The following ITPR2 variants were observed in gnomAD, a reference collection of about 807,000 sequenced individuals.
The protein encoded by ITPR2 is inositol 1,4,5-trisphosphate-gated calcium channel ITPR2.
A neutral mutation model predicts 317.1 loss-of-function variants in ITPR2; 207 were observed. The observed-to-expected ratio is 0.65, with a 90% confidence interval of 0.58 to 0.73. The LOEUF (loss-of-function observed/expected upper bound fraction) is 0.73. Ranked by LOEUF, ITPR2 falls within the 30% of genes least tolerant of loss-of-function variation. The pLI, the probability that ITPR2 is intolerant of heterozygous loss-of-function variation, is 0.00. For missense variants in ITPR2, 2,613 were observed against 3,284.0 expected (o/e 0.80, Z 4.99); for synonymous variants, 1,156 against 1,149.1 (o/e 1.01, Z -0.12).
At chr12:26,555,421 C>T (rs978176613) in intron 36 of ITPR2, among the ~76,000 whole-genome samples, 1 of 152,194 alleles carries the variant, frequency 6.6e-6, no homozygotes, top group African/African-American at 2.4e-5. Context: ...CAAGCACCCT[C>T]TTTCTGACTG....
chr12:26,497,155 C>CTCTTTTTTTT (rs756035869), intron 37 of ITPR2, among the ~76,000 whole-genome samples: 5 of 134,406 alleles, frequency 3.7e-5, no homozygotes, highest in African/African-American at 1.4e-4. Context: ...ATTTCTCTCT[C>CTCTTTTTTTT]TTTTTTTTTT....
chr12:26,561,591 G>A (rs952154924), intron 35 of ITPR2, among the ~76,000 whole-genome samples, 171 bp downstream of exon 35: 3 of 152,066 alleles, frequency 2.0e-5, no homozygotes, highest in African/African-American at 4.8e-5. Flanking sequence ...AATAACTCAC[G>A]ACATATGGAA....
At chr12:26,467,517 C>T (rs1027033594) in intron 45 of ITPR2, among the ~76,000 whole-genome samples, 1 of 152,122 alleles carries the variant, frequency 6.6e-6, no homozygotes, top group African/African-American at 2.4e-5. Context: ...AAAAGCCTTG[C>T]CTGATATCTC....
chr12:26,550,820 T>C (rs1944507328), intron 36 of ITPR2, among the ~76,000 whole-genome samples: 1 of 152,176 alleles, frequency 6.6e-6, no homozygotes, highest in Admixed American at 6.5e-5. Context: ...CCAGTTTCCA[T>C]TCATAATAAT....
At chr12:26,513,748 TCACACACACACACA>T (rs3056894) in intron 37 of ITPR2, among the ~76,000 whole-genome samples, 2 of 149,424 alleles carry the variant, frequency 1.3e-5, no homozygotes, top group South Asian at 4.3e-4. Context: ...TTGCCAATTA[TCACACACACACACA>T]CACACACACA....
intron 36 of ITPR2, among the ~76,000 whole-genome samples, chr12:26,550,693 ATAT>A (rs1944502439): frequency 1.6e-5 from 1 of 63,898 alleles, no homozygotes. Flanking sequence ...ACAAATATTT[ATAT>A]TATATTACAT....
At chr12:26,768,460 A>T (rs1949770981) in intron 2 of ITPR2, among the ~76,000 whole-genome samples, 1 of 139,190 alleles carries the variant, frequency 7.2e-6, no homozygotes, top group African/African-American at 2.6e-5. Context: ...AAAAAATAAA[A>T]AAATAAAAAT....
At chr12:26,716,004 A>G in intron 6 of ITPR2, 140 bp downstream of exon 6, 1 of 705,204 alleles carries the variant, frequency 1.4e-6, no homozygotes, top group Non-Finnish European at 2.4e-6. Context: ...AACTAATCAC[A>G]GCTATATGTA....
Position 26,645,935 on chromosome 12 carries a change from G to A in ITPR2, c.2740+8041C>T, listed in dbSNP as rs115399641. 3.0e-3 allele frequency among the ~76,000 whole-genome samples: 447 copies of A among 148,264 alleles called. 2 individuals carry two copies. The highest frequency in any genetic ancestry group is 0.01 in the African/African-American group (421 of 40,316). ...TTTTTCATGGTCTCACCTCACACTC[G>A]GTTAAGTCTTTATTTTTCTCCCTTT... On this transcript the variant is annotated intron_variant, in intron 21 of 56. Coordinates refer to ENST00000381340, the MANE Select transcript of ITPR2 (RefSeq NM_002223.4).
chr12:26,567,969 T>TTATATATATTATATATATA (rs1945028284), intron 34 of ITPR2, among the ~76,000 whole-genome samples: 1 of 14,390 alleles, frequency 6.9e-5, no homozygotes, highest in Admixed American at 5.8e-4. Flanking sequence ...TATATATATA[T>TTATATATATTATATATATA]TATATATATT....
chr12:26,808,970 G>T (rs1169644595), intron 1 of ITPR2, among the ~76,000 whole-genome samples: 1 of 152,104 alleles, frequency 6.6e-6, no homozygotes, highest in African/African-American at 2.4e-5. Flanking sequence ...CTAACAACTG[G>T]AGTCTTAACC....
At chr12:26,424,947 A>C (rs1281025990) in intron 49 of ITPR2, among the ~76,000 whole-genome samples, 1 of 151,146 alleles carries the variant, frequency 6.6e-6, no homozygotes, top group Non-Finnish European at 1.5e-5. Flanking sequence ...TTTAGTAGAG[A>C]CAGGGTTTTC....
intron 38 of ITPR2, among the ~76,000 whole-genome samples, chr12:26,494,820 T>G (rs1591829325): frequency 7.0e-6 from 1 of 143,578 alleles, no homozygotes; most frequent in East Asian, 2.0e-4. Flanking sequence ...ATATCAAAGT[T>G]TGTAAAAATA....
intron 36 of ITPR2, among the ~76,000 whole-genome samples, chr12:26,554,575 T>A (rs1481530825): frequency 6.6e-6 from 1 of 152,140 alleles, no homozygotes; most frequent in Non-Finnish European, 1.5e-5. Context: ...TTTACAGAAA[T>A]GAGTAGCAGG....
At chr12:26,565,866 G>A (rs1189952896) in intron 34 of ITPR2, among the ~76,000 whole-genome samples, 2 of 60,272 alleles carry the variant, frequency 3.3e-5, no homozygotes, top group Non-Finnish European at 7.4e-5. Context: ...GGAGAGGGGA[G>A]GGGAGGAGAG....
intron 9 of ITPR2, among the ~76,000 whole-genome samples, chr12:26,700,693 A>T (rs1948429215): frequency 6.6e-6 from 1 of 152,222 alleles, no homozygotes. Context: ...CGCAGGCTAG[A>T]GAGTTTGCAT....
At chr12:26,784,514 GT>G (rs1364702355) in intron 2 of ITPR2, among the ~76,000 whole-genome samples, 3 of 148,994 alleles carry the variant, frequency 2.0e-5, no homozygotes, top group Non-Finnish European at 1.5e-5. Flanking sequence ...CTGGTTTTCG[GT>G]TTTTTTTTGG....
At chr12:26,670,213 A>G (rs1255515045) in intron 13 of ITPR2, among the ~76,000 whole-genome samples, 1 of 152,248 alleles carries the variant, frequency 6.6e-6, no homozygotes, top group Admixed American at 6.5e-5. Flanking sequence ...CCCAGCATGC[A>G]GCTGGAGATC....
chr12:26,618,749 C>T (rs1946427893), intron 26 of ITPR2, among the ~76,000 whole-genome samples: 1 of 152,112 alleles, frequency 6.6e-6, no homozygotes, highest in Non-Finnish European at 1.5e-5. Flanking sequence ...ACACCAAAAC[C>T]GGGAAGAGCC....
Sources: allele counts gnomAD v4.1 joint callset (sites outside exome capture counted in the v4.1 genomes callset), GRCh38; gene constraint gnomAD v4.1.1; transcripts MANE v1.5; gene names NCBI Gene and HGNC (gene_info 2026-07-23, HGNC 2026-07-21).